The following PRKG1 variants were observed in gnomAD, a reference collection of about 807,000 sequenced individuals.
PRKG1 encodes protein kinase cGMP-dependent 1, also known as cGMP-dependent protein kinase 1.
In PRKG1, 35 loss-of-function variants were observed where a neutral mutation model predicts 88.1. The observed-to-expected ratio is 0.40, with a 90% CI of 0.30 to 0.53. PRKG1 has a LOEUF of 0.53. Ranked by LOEUF, PRKG1 falls within the 20% of genes least tolerant of loss-of-function variation. The pLI, the probability that PRKG1 is intolerant of heterozygous loss-of-function variation, is 0.59. For missense variants in PRKG1, 540 were observed against 839.8 expected (o/e 0.64, Z 4.41); for synonymous variants, 303 against 292.5 (o/e 1.04, Z -0.37).
At chr10:51,789,296 C>T (rs181209975) in intron 3 of PRKG1, among the ~76,000 whole-genome samples, 3 of 152,018 alleles carry the variant, frequency 2.0e-5, no homozygotes, top group Non-Finnish European at 4.4e-5. Context: ...TAAAAATGGC[C>T]CACCTGCAGG....
At chr10:51,087,605 TTG>T (rs1024060388) in intron 1 of PRKG1, among the ~76,000 whole-genome samples, 1 of 152,212 alleles carries the variant, frequency 6.6e-6, no homozygotes, top group Non-Finnish European at 1.5e-5. Context: ...TTGTGCAGTT[TTG>T]TTTCTTTTAT....
intron 3 of PRKG1, among the ~76,000 whole-genome samples, chr10:51,660,130 TAAA>T (rs36010118): frequency 5.2e-5 from 7 of 135,736 alleles, no homozygotes; most frequent in African/African-American, 1.1e-4. Flanking sequence ...GGAAGGGAAT[TAAA>T]AAAAAAAAAA....
At chr10:52,150,178 A>AG (rs1564490969) in intron 8 of PRKG1, among the ~76,000 whole-genome samples, 1 of 148,014 alleles carries the variant, frequency 6.8e-6, no homozygotes, top group Non-Finnish European at 1.5e-5. Flanking sequence ...AATAATAATA[A>AG]TAATAATTTG....
intron 7 of PRKG1, chr10:52,062,890 T>G (rs1001288347): frequency 2.9e-6 from 2 of 693,398 alleles, no homozygotes; most frequent in Non-Finnish European, 5.3e-6. Context: ...GTGTCCTTAA[T>G]TGCAATCTCT....
intron 3 of PRKG1, among the ~76,000 whole-genome samples, chr10:51,558,200 G>A (rs1450788288): frequency 2.0e-5 from 3 of 151,998 alleles, no homozygotes; most frequent in Non-Finnish European, 4.4e-5. Context: ...ATTTTCAATT[G>A]TGTGGGATGT....
chr10:51,714,743 A>G (rs1029056155), intron 3 of PRKG1, among the ~76,000 whole-genome samples: 31 of 152,220 alleles, frequency 2.0e-4, no homozygotes, highest in Non-Finnish European at 4.1e-4. Flanking sequence ...AGTAGTTTTG[A>G]AAGGTTGGAA....
chr10:52,138,201 C>CT, intron 8 of PRKG1, among the ~76,000 whole-genome samples: 1 of 152,028 alleles, frequency 6.6e-6, no homozygotes, highest in East Asian at 1.9e-4. Context: ...TGATTGCCCC[C>CT]TACTCCTAGG....
chr10:52,165,301 C>T (rs1838404262), intron 9 of PRKG1, among the ~76,000 whole-genome samples: 1 of 152,154 alleles, frequency 6.6e-6, no homozygotes, highest in African/African-American at 2.4e-5. Context: ...TGAATTATTC[C>T]CTAGAGAAAG....
chr10:51,155,531 G>A (rs1017104223), intron 2 of PRKG1, among the ~76,000 whole-genome samples: 1 of 151,940 alleles, frequency 6.6e-6, no homozygotes, highest in Non-Finnish European at 1.5e-5. Context: ...TTATACCCAG[G>A]CTATTTGGAT....
intron 3 of PRKG1, among the ~76,000 whole-genome samples, chr10:51,529,614 C>G (rs1841967164): frequency 6.6e-6 from 1 of 152,126 alleles, no homozygotes; most frequent in Admixed American, 6.6e-5. Flanking sequence ...ACTTAGCACT[C>G]AGGTTTCTGC....
chr10:52,054,919 G>A (rs1287691165), intron 6 of PRKG1, among the ~76,000 whole-genome samples: 1 of 152,102 alleles, frequency 6.6e-6, no homozygotes, highest in African/African-American at 2.4e-5. Flanking sequence ...TGGATCACTC[G>A]AGCTCAGGAG....
At chr10:51,886,983 A>G (rs915858778) in intron 4 of PRKG1, among the ~76,000 whole-genome samples, 1 of 52,606 alleles carries the variant, frequency 1.9e-5, no homozygotes, top group Non-Finnish European at 4.0e-5. Context: ...ATGTATGCCA[A>G]TTATTATGAT....
chr10:51,014,530 A>AT (rs892144714), intron 1 of PRKG1, among the ~76,000 whole-genome samples: 11 of 148,770 alleles, frequency 7.4e-5, no homozygotes, highest in East Asian at 3.9e-4. Context: ...TCTTGAAAAC[A>AT]TTTTTTTTTT....
chr10:51,818,466 G>A (rs1393704124), intron 4 of PRKG1, among the ~76,000 whole-genome samples: 4 of 152,098 alleles, frequency 2.6e-5, no homozygotes, highest in Admixed American at 1.3e-4. Context: ...TCTTTTACAA[G>A]TAGTGTTTCT....
At chr10:51,864,522 C>T (rs1161583448) in intron 4 of PRKG1, among the ~76,000 whole-genome samples, 2 of 152,190 alleles carry the variant, frequency 1.3e-5, no homozygotes, top group Non-Finnish European at 2.9e-5. Flanking sequence ...TGTCTCAAAT[C>T]CCTTTCAGAA....
chr10:51,153,180 A>C lies in PRKG1; in HGVS notation c.328A>C (p.Lys110Gln). Residue 110 changes from lysine to glutamine, a missense_variant, in exon 2 of 18, where the codon AAG becomes CAG. Transcript: ENST00000373980. ...PKSPQSKDLIKEAILDNDFMK... is the reference protein window; with the variant it reads ...PKSPQSKDLIQEAILDNDFMK... ...TTGCCATAGGTCCAAGGATCTTATA[A>C]AGGAAGCTATCCTTGACAATGACTT... 11 of 1,611,794 alleles carry C rather than the reference A, an allele frequency of 6.8e-6. No homozygotes were observed. The highest frequency in any genetic ancestry group is 9.3e-6 in the Non-Finnish European group (11 of 1,178,528).
chr10:51,570,080 T>TGTGTGTG (rs1281829729), intron 3 of PRKG1, among the ~76,000 whole-genome samples: 3 of 147,752 alleles, frequency 2.0e-5, no homozygotes, highest in African/African-American at 7.7e-5. Flanking sequence ...TGTGTGTGTG[T>TGTGTGTG]TTATATATGT....
rs5784867 is a variant in PRKG1 at position 51,284,865 on chromosome 10, CTTT to C, written c.478+131555_478+131557del. Among the ~76,000 whole-genome samples, 497 of 51,662 alleles carry C rather than the reference CTTT, an allele frequency of 9.6e-3. 6 individuals are homozygous for C. Among genetic ancestry groups the C allele is most frequent in the African/African-American group, 0.034 (469 of 13,908 alleles). 33.9% of individuals were successfully genotyped at this position (51,662 alleles called of 152,430 possible). A position where few individuals can be genotyped will look rare whatever the true frequency, so the allele number is the denominator to read the frequency against. ...GGGTGTGGCTCCAGTGTTGTGGGTACTTTTTTTTTTTTTTTTTTTTTTAAGCTA... is the reference window on the plus strand; with the variant it reads ...GGGTGTGGCTCCAGTGTTGTGGGTACTTTTTTTTTTTTTTTTTTTAAGCTA... On this transcript the variant is annotated intron_variant, in intron 2 of 17. Transcript: ENST00000373980.
chr10:52,129,096 TAA>T (rs1388069961), intron 7 of PRKG1, among the ~76,000 whole-genome samples: 1 of 152,152 alleles, frequency 6.6e-6, no homozygotes, highest in Non-Finnish European at 1.5e-5. Context: ...CAAATGAAAG[TAA>T]GTTCAGTTTT....
Sources: allele counts gnomAD v4.1 joint callset (sites outside exome capture counted in the v4.1 genomes callset), GRCh38; gene constraint gnomAD v4.1.1; transcripts MANE v1.5; gene names NCBI Gene and HGNC (gene_info 2026-07-23, HGNC 2026-07-21).